The following OGFOD2 variants were observed in gnomAD, a reference collection of about 807,000 sequenced individuals.
OGFOD2 encodes 2-oxoglutarate and iron dependent oxygenase domain containing 2.
Under a neutral mutation model 31.1 loss-of-function variants are expected in OGFOD2, and 34 were observed. The ratio of observed to expected loss-of-function variants is 1.09; its 90% CI spans 0.83 to 1.45. OGFOD2 has a LOEUF of 1.45. OGFOD2 is among the 40% of genes most tolerant of loss of function. The pLI is 0.00. For missense variants in OGFOD2, 537 were observed against 433.9 expected, an observed-to-expected ratio of 1.24 and a Z score of -2.11; for synonymous variants, 240 against 192.3, an observed-to-expected ratio of 1.25 and a Z score of -2.05.
At chr12:122,978,895 C>T in exon 6 of OGFOD2, 12 of 1,612,848 alleles carry the variant, frequency 7.4e-6, no homozygotes, top group Non-Finnish European at 1.0e-5. Flanking sequence ...GTCAAATACG[C>T]ACCGGGCCAG....
Position 122,976,512 on chromosome 12 carries a change from C to T in OGFOD2, c.190-142C>T. On this transcript the variant is annotated intron_variant, in intron 2 of 6. Transcript: ENST00000228922. ...CTAACAGTCTGGAACTTGCAGTTGACCCAGATAGATTCAGGAGTGTAGGCT... is the reference window on the plus strand; with the variant it reads ...CTAACAGTCTGGAACTTGCAGTTGATCCAGATAGATTCAGGAGTGTAGGCT... 2.2e-6 allele frequency: 3 copies of T among 1,360,736 alleles called. No homozygotes were observed. In the South Asian group the frequency reaches 3.6e-5, roughly 16 times the overall value. 84.3% of individuals were successfully genotyped at this position (1,360,736 alleles called of 1,614,324 possible).
At chr12:122,976,762 C>T (rs201787230) in exon 3 of OGFOD2, 1 of 1,611,806 alleles carries the variant, frequency 6.2e-7, no homozygotes, top group East Asian at 2.2e-5. Context: ...CTACGACTCA[C>T]TGCAGGTACC....
At chr12:122,976,184 G>A (rs139708161) in intron 2 of OGFOD2, 234 of 599,270 alleles carry the variant, frequency 3.9e-4, no homozygotes, top group Middle Eastern at 2.6e-3. Context: ...TTTACAGCAG[G>A]AGCAGATGTG....
At position 122,978,397 on chromosome 12, in the gene OGFOD2, G is replaced by C. The variant is rs1450171425; in HGVS notation, c.404-45G>C. ...GAAGACTGAAGCCCAGGCCTGGCCG[G>C]CCCACGGCCACATTCAGGCCAACAG... is the stretch of plus-strand genomic sequence containing the variant. On this transcript the variant is annotated intron_variant, in intron 4 of 6. Transcript: ENST00000228922. 3 of 1,606,178 alleles carry C rather than the reference G, an allele frequency of 1.9e-6. No individual in the cohort carries two copies. In the African/African-American group the frequency reaches 4.0e-5, roughly 21 times the overall value.
At chr12:122,976,263 G>A in intron 2 of OGFOD2, 1 of 952,534 alleles carries the variant, frequency 1.0e-6, no homozygotes, top group Non-Finnish European at 1.7e-6. Flanking sequence ...GCTGCTGCCA[G>A]GGCTGCTGCC....
At position 122,975,954 on chromosome 12, in the gene OGFOD2, C is replaced by T. The variant is rs994977815; in HGVS notation, c.189+87C>T. 195 of 678,450 alleles carry T rather than the reference C, an allele frequency of 2.9e-4. 1 individual carries two copies. The highest frequency in any genetic ancestry group is 2.2e-4 in the Admixed American group (11 of 49,510). 42.0% of individuals were successfully genotyped at this position (678,450 alleles called of 1,614,324 possible). On this transcript the variant is annotated intron_variant, in intron 2 of 6. Transcript: ENST00000228922. ...CACAGCTTGAGCCTAGCCTCAGTCC[C>T]TGATCCCTGAAGGGTCACTTAGGCC...
At position 122,976,063 on chromosome 12, in the gene OGFOD2, G is replaced by A. The variant is rs1272707179; in HGVS notation, c.189+196G>A. 6.7e-6 allele frequency: 4 copies of A among 599,234 alleles called. No individual in the cohort carries two copies. The East Asian group carries it at 1.1e-4, about 17-fold the overall frequency. 37.1% of individuals were successfully genotyped at this position (599,234 alleles called of 1,614,324 possible). A position where few individuals can be genotyped will look rare whatever the true frequency, so the allele number is the denominator to read the frequency against. ...GAGAGAGAAGGGGAAATGCTAAGTT[G>A]CTAAGTTGCCTAGTCATGCCGTTCT... On this transcript the variant is annotated intron_variant, in intron 2 of 6. Transcript: ENST00000228922.
chr12:122,975,688 C>G, intron 1 of OGFOD2, 123 bp from the exon 2 acceptor site: 2 of 651,394 alleles, frequency 3.1e-6, no homozygotes, highest in Non-Finnish European at 5.7e-6. Flanking sequence ...GCAGTTCATT[C>G]TCTCCATGAT....
chr12:122,978,381 A>G, intron 4 of OGFOD2, 61 bp from the exon 5 acceptor site: 1 of 1,596,040 alleles, frequency 6.3e-7, no homozygotes, highest in Non-Finnish European at 8.6e-7. Context: ...GGAAGACTGA[A>G]GCCCAGGCCT....
chr12:122,976,820 T>C (rs372375260), intron 3 of OGFOD2, 51 bp from the exon 4 acceptor site: 111 of 1,597,978 alleles, frequency 6.9e-5, no homozygotes, highest in Non-Finnish European at 9.2e-5. Flanking sequence ...GGAGGTAGCA[T>C]CCAGGGCTGG....
chr12:122,979,351 G>A, exon 7 of OGFOD2: 1 of 1,593,208 alleles, frequency 6.3e-7, no homozygotes. Flanking sequence ...ACCTGAGCTT[G>A]CTTGGGCCCA....
chr12:122,979,396 C>T (rs758362986), exon 7 of OGFOD2: 3 of 1,547,714 alleles, frequency 1.9e-6, no homozygotes, highest in Admixed American at 1.8e-5. Context: ...GGCTCCGTTG[C>T]CTTGGTCTGG....
chr12:122,978,420 C>G (rs774314066), intron 4 of OGFOD2, 22 bp from the exon 5 acceptor site: 2 of 1,611,534 alleles, frequency 1.2e-6, no homozygotes, highest in South Asian at 2.2e-5. Context: ...TTCAGGCCAA[C>G]AGACCATCCC....
chr12:122,979,006 T>A (rs2037530619), exon 6 of OGFOD2: 2 of 1,612,434 alleles, frequency 1.2e-6, no homozygotes, highest in South Asian at 1.1e-5. Context: ...GGGGGCCTCT[T>A]CCAGGTGAGT....
exon 7 of OGFOD2, chr12:122,979,266 G>T (rs376587651): frequency 1.9e-6 from 3 of 1,612,952 alleles, no homozygotes; most frequent in African/African-American, 1.3e-5. Flanking sequence ...CCGTGAGCCC[G>T]ACCTGGTGGA....
At chr12:122,978,397 G>A (rs1450171425) in intron 4 of OGFOD2, 45 bp from the exon 5 acceptor site, 2 of 1,606,294 alleles carry the variant, frequency 1.2e-6, no homozygotes, top group Non-Finnish European at 8.5e-7. Context: ...GGCCTGGCCG[G>A]CCCACGGCCA....
upstream of OGFOD2, chr12:122,975,099 T>C (rs531825907): frequency 6.0e-6 from 3 of 499,278 alleles, no homozygotes; most frequent in Non-Finnish European, 1.1e-5. Context: ...AGCATCTTTC[T>C]CCGCAGACCG....
chr12:122,979,405 G>C (rs2135962245), exon 7 of OGFOD2: 3 of 1,526,108 alleles, frequency 2.0e-6, no homozygotes, highest in Middle Eastern at 3.5e-4. Context: ...GCCTTGGTCT[G>C]GGGGCAGAAA....
At chr12:122,978,476 A>C (rs2037497812) in exon 5 of OGFOD2, 1 of 1,613,452 alleles carries the variant, frequency 6.2e-7, no homozygotes, top group African/African-American at 1.3e-5. Flanking sequence ...CTGTTTTCAC[A>C]GCGCCCTTCT....
Sources: allele counts gnomAD v4.1 joint callset, GRCh38; gene constraint gnomAD v4.1.1; transcripts MANE v1.5; gene names NCBI Gene and HGNC (gene_info 2026-07-23, HGNC 2026-07-21).